The following RALGPS1 variants were observed in gnomAD, a reference collection of about 807,000 sequenced individuals.
RALGPS1 encodes Ral GEF with PH domain and SH3 binding motif 1.
RALGPS1 carries 19 observed loss-of-function variants against 78.8 expected under a neutral mutation model. That is an observed-to-expected ratio of 0.24 (90% CI 0.17 to 0.35). The LOEUF is 0.35. Among genes scored for constraint, RALGPS1 ranks in the 10% least tolerant of loss-of-function variants. RALGPS1 has a pLI of 1.00. For synonymous variants in RALGPS1, 228 were observed against 256.3 expected, an observed-to-expected ratio of 0.89 and a Z score of 1.06; for missense variants, 454 against 688.3, an observed-to-expected ratio of 0.66 and a Z score of 3.81.
At chr9:127,133,423 C>T (rs1180317397) in intron 8 of RALGPS1, among the ~76,000 whole-genome samples, 1 of 152,254 alleles carries the variant, frequency 6.6e-6, no homozygotes, top group Non-Finnish European at 1.5e-5. Context: ...GTTTTGTTTA[C>T]TCAGCGAGCT....
intron 8 of RALGPS1, among the ~76,000 whole-genome samples, chr9:127,102,335 AT>A (rs540105395): frequency 9.5e-4 from 79 of 83,400 alleles, no homozygotes; most frequent in Middle Eastern, 6.8e-3. Context: ...TACTTTATTT[AT>A]TTTTTTTGTG....
intron 1 of RALGPS1, among the ~76,000 whole-genome samples, chr9:126,953,371 A>ATG (rs974520720): frequency 2.0e-5 from 3 of 147,148 alleles, no homozygotes; most frequent in Non-Finnish European, 4.5e-5. Flanking sequence ...GTACACGTGC[A>ATG]TGCGTGTGTG....
intron 8 of RALGPS1, chr9:127,079,533 A>T (rs746838706): frequency 6.6e-5 from 10 of 152,238 alleles, no homozygotes; most frequent in Non-Finnish European, 1.0e-4. Context: ...AGATTAGATC[A>T]TTAAAGACTA....
Position 127,052,900 on chromosome 9 carries a change from A to G in RALGPS1, c.444A>G (p.Leu148=), listed in dbSNP as rs2048412235. The change falls in exon 7 of 19, where the codon TTA becomes TTG. Residue 148 remains leucine, a synonymous_variant. Transcript: ENST00000259351. ...CTCTCATGTCTGTGGTATCAGCATT[A>G]CAAAGTGCTCCCATCTTCAGGCTGA... ...LHSLMSVVSA[L]QSAPIFRLTK... 3.1e-6 allele frequency: 5 copies of G among 1,610,992 alleles called. No individual in the cohort carries two copies. The East Asian group carries it at 1.1e-4, about 36-fold the overall frequency.
intron 8 of RALGPS1, chr9:127,093,617 G>T: frequency 7.7e-7 from 1 of 1,295,644 alleles, no homozygotes; most frequent in Non-Finnish European, 1.1e-6. Context: ...GGCCGCACAG[G>T]CCTGGGCTTG....
chr9:127,122,717 C>T lies in RALGPS1; in HGVS notation c.611-43352C>T, dbSNP rs2056246301. 1 of 152,556 alleles carries T rather than the reference C, an allele frequency of 6.6e-6. No homozygotes were observed. Among genetic ancestry groups the T allele is most frequent in the Non-Finnish European group, 1.5e-5 (1 of 68,316 alleles). 9.5% of individuals were successfully genotyped at this position (152,556 alleles called of 1,614,324 possible). ...GCCTGACCCTGGTTGGCTGCAGGCGCTTCTCTCCACCCACCAGTGCAAGAG... is the reference window on the plus strand; with the variant it reads ...GCCTGACCCTGGTTGGCTGCAGGCGTTTCTCTCCACCCACCAGTGCAAGAG... On this transcript the variant is annotated intron_variant, in intron 8 of 18. Transcript: ENST00000259351. The surrounding 1 kb of genome is among the most constrained non-coding windows in gnomAD (Gnocchi z 6.4).
chr9:127,138,961 T>C (rs1203199212), intron 8 of RALGPS1, among the ~76,000 whole-genome samples: 1 of 152,250 alleles, frequency 6.6e-6, no homozygotes, highest in Non-Finnish European at 1.5e-5. Flanking sequence ...ACATTCCTGT[T>C]CTGGTCCTGT....
At chr9:127,192,012 A>T (rs2061089770) in intron 11 of RALGPS1, among the ~76,000 whole-genome samples, 1 of 152,200 alleles carries the variant, frequency 6.6e-6, no homozygotes, top group African/African-American at 2.4e-5. Flanking sequence ...TGGGATTTTA[A>T]GAGTGGCTTA....
chr9:126,941,482 AG>A (rs1414962345), intron 1 of RALGPS1, among the ~76,000 whole-genome samples: 1 of 152,152 alleles, frequency 6.6e-6, no homozygotes, highest in Non-Finnish European at 1.5e-5. Context: ...TAAAAAAAAG[AG>A]AAAATTATGA....
chr9:127,192,911 G>A (rs981004307), intron 11 of RALGPS1, among the ~76,000 whole-genome samples: 5 of 152,200 alleles, frequency 3.3e-5, no homozygotes, highest in African/African-American at 1.2e-4. Flanking sequence ...CGAGCACCAG[G>A]TGCCAAGGGC....
chr9:126,994,498 T>C (rs1171233551), intron 4 of RALGPS1, among the ~76,000 whole-genome samples: 1 of 151,878 alleles, frequency 6.6e-6, no homozygotes, highest in Non-Finnish European at 1.5e-5. Context: ...TAAAAAGAAA[T>C]GAACAAAGCC....
At chr9:126,926,830 G>A (rs2035326508) in intron 1 of RALGPS1, among the ~76,000 whole-genome samples, 1 of 152,138 alleles carries the variant, frequency 6.6e-6, no homozygotes, top group Non-Finnish European at 1.5e-5. Context: ...AGAAACTGAT[G>A]TAGAGGCCTC....
intron 18 of RALGPS1, chr9:127,216,820 C>T (rs2062608115): frequency 4.6e-6 from 6 of 1,300,438 alleles, no homozygotes; most frequent in Middle Eastern, 1.9e-4. Flanking sequence ...ATACTGGTCA[C>T]ACCATGTGTG....
At chr9:127,059,190 C>CT (rs1335354574) in intron 7 of RALGPS1, among the ~76,000 whole-genome samples, 1 of 152,172 alleles carries the variant, frequency 6.6e-6, no homozygotes, top group East Asian at 1.9e-4. Context: ...CCCCCTTTGA[C>CT]TGATGCAGTG....
At chr9:127,139,570 C>G (rs2057631328) in intron 8 of RALGPS1, among the ~76,000 whole-genome samples, 1 of 152,234 alleles carries the variant, frequency 6.6e-6, no homozygotes, top group Admixed American at 6.5e-5. Context: ...GTGGGGGTGT[C>G]AGCATCAAGG....
At chr9:127,148,522 T>A (rs2058233288) in intron 8 of RALGPS1, among the ~76,000 whole-genome samples, 2 of 152,264 alleles carry the variant, frequency 1.3e-5, no homozygotes, top group South Asian at 4.1e-4. Context: ...ACCTGCTGTG[T>A]GCCAGGCACC....
intron 8 of RALGPS1, among the ~76,000 whole-genome samples, chr9:127,110,053 A>T (rs1049403099): frequency 1.3e-5 from 2 of 151,928 alleles, no homozygotes; most frequent in Non-Finnish European, 1.5e-5. Flanking sequence ...CCCTCTCTTG[A>T]CCTCACATCC....
chr9:126,959,147 C>T (rs148592669), intron 1 of RALGPS1, among the ~76,000 whole-genome samples: 5 of 151,902 alleles, frequency 3.3e-5, no homozygotes, highest in African/African-American at 4.8e-5. Context: ...CTGCAACCTC[C>T]GCTTCTTGGG....
At chr9:126,983,738 ACT>A (rs2041540659) in intron 4 of RALGPS1, among the ~76,000 whole-genome samples, 1 of 151,004 alleles carries the variant, frequency 6.6e-6, no homozygotes, top group Non-Finnish European at 1.5e-5. Flanking sequence ...GGTTAGTCGC[ACT>A]CTGTAATATT....
Sources: gnomAD v4.1 joint callset for allele counts (sites outside exome capture counted in the v4.1 genomes callset) on GRCh38, gnomAD v4.1.1 for gene constraint, Gnocchi (gnomAD v3.1) non-coding constraint, MANE v1.5 for transcripts, NCBI Gene and HGNC (gene_info 2026-07-23, HGNC 2026-07-21) for gene names.